RGS6: variants seen among roughly 807,000 people sequenced by gnomAD.
The protein encoded by RGS6 is regulator of G-protein signaling 6.
In RGS6, 30 loss-of-function variants were observed where a neutral mutation model predicts 78.5. That is an observed-to-expected ratio of 0.38 (90% confidence interval 0.29 to 0.52). RGS6 has a LOEUF of 0.52. Ranked by LOEUF, RGS6 falls within the 20% of genes least tolerant of loss-of-function variation. The probability of loss-of-function intolerance (pLI) is 0.85; values close to 1 mark genes in which losing one functional copy is unlikely to be tolerated. For synonymous variants in RGS6, 206 were observed against 206.0 expected (o/e 1.00, Z 0.00); for missense variants, 495 against 609.7 (o/e 0.81, Z 1.98).
intron 3 of RGS6, among the ~76,000 whole-genome samples, chr14:72,394,229 C>T (rs980712789): frequency 9.2e-5 from 14 of 152,016 alleles, no homozygotes; most frequent in Non-Finnish European, 1.6e-4. Context: ...CATCACATGT[C>T]GGCAGGTTCT....
chr14:72,084,658 T>C (rs2094953097), intron 2 of RGS6, among the ~76,000 whole-genome samples: 1 of 152,190 alleles, frequency 6.6e-6, no homozygotes, highest in Non-Finnish European at 1.5e-5. Context: ...CATGCTTTTA[T>C]TGTGTTTAGC....
At chr14:72,098,466 C>T (rs973137777) in intron 2 of RGS6, among the ~76,000 whole-genome samples, 2 of 152,174 alleles carry the variant, frequency 1.3e-5, no homozygotes, top group Admixed American at 6.5e-5. Context: ...GTTCTTTTGA[C>T]GGTGTGGACA....
At chr14:72,568,046 G>A (rs148558370), downstream of RGS6, among the ~76,000 whole-genome samples, 74 of 152,254 alleles carry the variant, frequency 4.9e-4, no homozygotes, top group Non-Finnish European at 8.1e-4. Flanking sequence ...GTGTAGCCAC[G>A]TGAGCTCCAT....
chr14:71,999,819 G>A (rs923301934), intron 2 of RGS6, among the ~76,000 whole-genome samples: 1 of 113,094 alleles, frequency 8.8e-6, no homozygotes, highest in Non-Finnish European at 2.1e-5. Context: ...GCAGATGCTA[G>A]CATCATGCTT....
intron 6 of RGS6, among the ~76,000 whole-genome samples, chr14:72,460,987 G>C (rs1449062614): frequency 3.9e-5 from 6 of 152,084 alleles, no homozygotes; most frequent in Admixed American, 6.5e-5. Flanking sequence ...TCATGCAGAA[G>C]GGCAGGCTCT....
intron 1 of RGS6, among the ~76,000 whole-genome samples, chr14:71,960,869 C>T (rs753649241): frequency 2.0e-5 from 3 of 152,066 alleles, no homozygotes; most frequent in Non-Finnish European, 4.4e-5. Flanking sequence ...GTCACCTCCT[C>T]CTACTCTGTG....
At chr14:72,479,439 C>T (rs756155670) in intron 12 of RGS6, among the ~76,000 whole-genome samples, 7 of 152,160 alleles carry the variant, frequency 4.6e-5, no homozygotes, top group Non-Finnish European at 8.8e-5. Context: ...CATTCCTGAC[C>T]TCTCCCCATT....
chr14:72,196,228 C>G (rs559425506), intron 2 of RGS6, among the ~76,000 whole-genome samples: 5 of 152,254 alleles, frequency 3.3e-5, no homozygotes, highest in Admixed American at 3.3e-4. Context: ...TCTTGGGGTT[C>G]TATCTTGTGT....
At chr14:72,599,393 CTT>C in the RGS6 span, among the ~76,000 whole-genome samples, 671 of 78,184 alleles carry the variant, frequency 8.6e-3, 211 homozygotes, top group African/African-American at 0.027. Context: ...CTTTTCTTTC[CTT>C]TTTTTTTTTT....
chr14:71,995,454 G>A (rs1021303614), intron 2 of RGS6, among the ~76,000 whole-genome samples: 1 of 152,196 alleles, frequency 6.6e-6, no homozygotes, highest in African/African-American at 2.4e-5. Context: ...GGACATAAGT[G>A]GAAAGCTTCA....
At chr14:72,074,607 T>C (rs575192325) in intron 2 of RGS6, among the ~76,000 whole-genome samples, 4 of 152,340 alleles carry the variant, frequency 2.6e-5, no homozygotes, top group East Asian at 3.9e-4. Context: ...TAACCTAAGT[T>C]GTATAACCTT....
intron 3 of RGS6, among the ~76,000 whole-genome samples, chr14:72,418,886 C>T (rs1566796313): frequency 6.6e-6 from 1 of 152,206 alleles, no homozygotes. Context: ...TCCAGGAGGA[C>T]ACACACCATA....
chr14:72,628,524 G>C, the RGS6 span, among the ~76,000 whole-genome samples: 4 of 152,172 alleles, frequency 2.6e-5, no homozygotes, highest in Non-Finnish European at 5.9e-5. Context: ...TAACAAAATA[G>C]TCAATCCAGT....
intron 2 of RGS6, among the ~76,000 whole-genome samples, chr14:72,032,545 A>G (rs963497697): frequency 2.0e-5 from 3 of 152,154 alleles, no homozygotes; most frequent in Non-Finnish European, 4.4e-5. Flanking sequence ...TTGTTGTGCC[A>G]CAGATCTCTG....
chr14:72,130,024 T>C (rs532335298), intron 2 of RGS6, among the ~76,000 whole-genome samples: 1 of 152,276 alleles, frequency 6.6e-6, no homozygotes, highest in Admixed American at 6.5e-5. Context: ...GAAAGTGGAA[T>C]ATGCCCAAGT....
At chr14:71,900,925 G>A in the RGS6 span, among the ~76,000 whole-genome samples, 15 of 152,196 alleles carry the variant, frequency 9.9e-5, no homozygotes, top group Admixed American at 9.2e-4. Context: ...AGCAAGAGAG[G>A]AAAGGAGAGA....
At chr14:71,910,389 T>C in the RGS6 span, among the ~76,000 whole-genome samples, 3 of 152,194 alleles carry the variant, frequency 2.0e-5, no homozygotes, top group East Asian at 1.9e-4. Context: ...CATAGTTTCC[T>C]ACCTTTGAAA....
intron 2 of RGS6, among the ~76,000 whole-genome samples, chr14:71,976,894 C>T (rs1186886908): frequency 7.0e-6 from 1 of 142,220 alleles, no homozygotes; most frequent in Admixed American, 7.1e-5. Flanking sequence ...TAAAAGTGTT[C>T]CTATTTCTCC....
chr14:72,138,100 T>C (rs1287104436), intron 2 of RGS6, among the ~76,000 whole-genome samples: 1 of 152,164 alleles, frequency 6.6e-6, no homozygotes, highest in Admixed American at 6.6e-5. Context: ...ATATATCTTA[T>C]TATAAATCAC....
Sources: gnomAD v4.1 joint callset for allele counts (sites outside exome capture counted in the v4.1 genomes callset) on GRCh38, gnomAD v4.1.1 for gene constraint, MANE v1.5 for transcripts, NCBI Gene and HGNC (gene_info 2026-07-23, HGNC 2026-07-21) for gene names.